Variants in FSTL5 observed in about 807,000 individuals in gnomAD.
FSTL5 encodes follistatin-related protein 5.
FSTL5 carries 62 observed loss-of-function variants against 89.1 expected under a neutral mutation model. The ratio of observed to expected loss-of-function variants is 0.70; its 90% CI spans 0.57 to 0.86. The LOEUF is 0.86. FSTL5 is among the 40% of genes least tolerant of loss of function. The pLI is 0.00. For synonymous variants in FSTL5, 383 were observed against 346.2 expected (o/e 1.11, Z -1.18); for missense variants, 1,057 against 1,001.6 (o/e 1.06, Z -0.75).
chr4:161,587,299 T>C (rs28391827), intron 8 of FSTL5, among the ~76,000 whole-genome samples, 156 bp downstream of exon 8: 2,539 of 151,858 alleles, frequency 0.017, 70 homozygotes, highest in African/African-American at 0.057. Context: ...ATTTTGTGTT[T>C]TTTTTTTTTA....
chr4:161,409,084 A>G (rs1025194369), intron 15 of FSTL5, among the ~76,000 whole-genome samples: 3 of 152,192 alleles, frequency 2.0e-5, no homozygotes, highest in Non-Finnish European at 2.9e-5. Context: ...ACTATACAAG[A>G]TGACTATTTC....
At chr4:162,024,613 GT>G (rs561682641) in intron 3 of FSTL5, among the ~76,000 whole-genome samples, 2 of 151,870 alleles carry the variant, frequency 1.3e-5, no homozygotes, top group African/African-American at 4.8e-5. Flanking sequence ...AATTAAGTTT[GT>G]TTCTTGTGTT....
intron 3 of FSTL5, among the ~76,000 whole-genome samples, chr4:162,006,876 G>A (rs1175469880): frequency 2.0e-5 from 3 of 151,870 alleles, no homozygotes. Context: ...ACATGGTTTT[G>A]GAGAGGAATT....
chr4:161,635,847 C>G (rs1735669186), intron 7 of FSTL5, among the ~76,000 whole-genome samples: 1 of 152,100 alleles, frequency 6.6e-6, no homozygotes, highest in South Asian at 2.1e-4. Flanking sequence ...ATATATCCAC[C>G]ATAAATGCAA....
At chr4:161,471,887 A>G (rs1444221312) in intron 13 of FSTL5, among the ~76,000 whole-genome samples, 1 of 152,168 alleles carries the variant, frequency 6.6e-6, no homozygotes, top group Non-Finnish European at 1.5e-5. Flanking sequence ...GAATTGGTAT[A>G]ATAGTAATGG....
At chr4:162,086,701 G>T (rs1367086080) in intron 2 of FSTL5, among the ~76,000 whole-genome samples, 1 of 151,638 alleles carries the variant, frequency 6.6e-6, no homozygotes, top group Non-Finnish European at 1.5e-5. Flanking sequence ...TTATTGATCT[G>T]AGAGCTATAG....
chr4:161,504,438 G>C (rs1324245480), intron 11 of FSTL5, among the ~76,000 whole-genome samples: 1 of 151,402 alleles, frequency 6.6e-6, no homozygotes, highest in Non-Finnish European at 1.5e-5. Context: ...CTCTAGACAT[G>C]GTAAAGATCG....
intron 12 of FSTL5, among the ~76,000 whole-genome samples, chr4:161,496,442 T>C: frequency 6.6e-6 from 1 of 152,134 alleles, no homozygotes; most frequent in East Asian, 1.9e-4. Context: ...CCCTCCATAA[T>C]GTTTATGGGC....
At chr4:161,687,370 TC>T in intron 6 of FSTL5, among the ~76,000 whole-genome samples, 1 of 152,336 alleles carries the variant, frequency 6.6e-6, no homozygotes, top group Admixed American at 6.5e-5. Context: ...TACTTTATTC[TC>T]CTGTTCAATA....
chr4:161,510,650 G>A (rs1485194632), intron 10 of FSTL5, among the ~76,000 whole-genome samples: 1 of 151,636 alleles, frequency 6.6e-6, no homozygotes, highest in Non-Finnish European at 1.5e-5. Flanking sequence ...TTCTTATTTG[G>A]AATACAGATT....
intron 4 of FSTL5, among the ~76,000 whole-genome samples, chr4:161,857,714 C>G (rs1462664731): frequency 6.6e-6 from 1 of 152,132 alleles, no homozygotes; most frequent in Non-Finnish European, 1.5e-5. Context: ...CTGTTTTATT[C>G]ACAGATTATT....
At chr4:161,812,804 T>A (rs1044684051) in intron 4 of FSTL5, among the ~76,000 whole-genome samples, 1 of 140,764 alleles carries the variant, frequency 7.1e-6, no homozygotes. Flanking sequence ...GATTAGGTAT[T>A]TATTGACTGA....
At chr4:161,391,743 G>T (rs1279829097) in intron 15 of FSTL5, among the ~76,000 whole-genome samples, 18 of 152,278 alleles carry the variant, frequency 1.2e-4, no homozygotes, top group Admixed American at 1.0e-3. Context: ...GAAGCAGAGA[G>T]AACTGGAATT....
chr4:161,825,798 C>T (rs1305789158), intron 4 of FSTL5, among the ~76,000 whole-genome samples: 1 of 152,058 alleles, frequency 6.6e-6, no homozygotes, highest in Non-Finnish European at 1.5e-5. Flanking sequence ...GTTAATCTCA[C>T]TAATGGTCTG....
chr4:162,071,847 T>C (rs1403097143), intron 2 of FSTL5, among the ~76,000 whole-genome samples: 2 of 151,762 alleles, frequency 1.3e-5, no homozygotes, highest in Non-Finnish European at 2.9e-5. Context: ...ATCTGAAAAC[T>C]GTACAATACA....
intron 15 of FSTL5, among the ~76,000 whole-genome samples, chr4:161,447,362 C>A (rs1732982360): frequency 6.6e-6 from 1 of 152,002 alleles, no homozygotes; most frequent in Non-Finnish European, 1.5e-5. Context: ...ACCCATACAT[C>A]AAGAACATTA....
At chr4:161,666,995 G>T (rs1047867204) in intron 6 of FSTL5, among the ~76,000 whole-genome samples, 1 of 151,902 alleles carries the variant, frequency 6.6e-6, no homozygotes, top group Non-Finnish European at 1.5e-5. Flanking sequence ...TTGAAATATT[G>T]TTTTTTATTC....
rs903705465 is a variant in FSTL5, at chr4:162,041,229, G to T, written c.127-7571C>A. On this transcript the variant is annotated intron_variant, in intron 2 of 15. Coordinates refer to ENST00000306100, the MANE Select transcript of FSTL5 (RefSeq NM_020116.5). ...AAAAAAAAAAAAAAAAAAAAAAGGA[G>T]TTTATCTCCATAGCAAAGTGTAAAA... 8.4e-5 allele frequency among the ~76,000 whole-genome samples: 12 copies of T among 143,132 alleles called. 1 individual carries two copies. The highest frequency in any genetic ancestry group is 5.6e-4 in the Admixed American group (8 of 14,362). The allele number at this position is 143,132 out of a possible 152,430, so 93.9% of individuals were successfully genotyped here.
chr4:161,561,902 G>C (rs1370957775), intron 8 of FSTL5, among the ~76,000 whole-genome samples: 1 of 151,990 alleles, frequency 6.6e-6, no homozygotes, highest in Non-Finnish European at 1.5e-5. Flanking sequence ...ACACATTGTT[G>C]CAAAGCTAAG....
Sources: gnomAD v4.1 joint callset for allele counts (sites outside exome capture counted in the v4.1 genomes callset) on GRCh38, gnomAD v4.1.1 for gene constraint, MANE v1.5 for transcripts, NCBI Gene and HGNC (gene_info 2026-07-23, HGNC 2026-07-21) for gene names.